The following RARRES1 variants were observed in gnomAD, a reference collection of about 807,000 sequenced individuals.
RARRES1 encodes retinoic acid receptor responder protein 1.
In RARRES1, 34 loss-of-function variants were observed where a neutral mutation model predicts 30.6. That is an observed-to-expected ratio of 1.11 (90% CI 0.84 to 1.48). The LOEUF (loss-of-function observed/expected upper bound fraction) is 1.48, where lower values mean the gene tolerates loss of function less well. Ranked by LOEUF, RARRES1 falls within the 40% of genes most tolerant of loss-of-function variation. RARRES1 has a pLI of 0.00. For synonymous variants in RARRES1, 153 were observed against 155.5 expected, an observed-to-expected ratio of 0.98 and a Z score of 0.12; for missense variants, 373 against 386.5, an observed-to-expected ratio of 0.97 and a Z score of 0.29.
intron 4 of RARRES1, among the ~76,000 whole-genome samples, chr3:158,701,901 G>T (rs1050693497): frequency 9.3e-6 from 1 of 107,842 alleles, no homozygotes; most frequent in African/African-American, 3.1e-5. Context: ...CCTAAGAGAT[G>T]AAATGATTTG....
Position 158,719,691 on chromosome 3 carries a change from C to T in RARRES1, c.277-5832G>A, listed in dbSNP as rs570394440. Among the ~76,000 whole-genome samples, 5 of 152,256 alleles carry T rather than the reference C, an allele frequency of 3.3e-5. No homozygotes were observed. The East Asian group carries it at 5.8e-4, about 18-fold the overall frequency. ...TCCCCTTCCTCATATGCCATACCAT[C>T]ATGTACTCTTTAGTGACTGATCAGC... On this transcript the variant is annotated intron_variant, in intron 1 of 5. Transcript: ENST00000237696.
chr3:158,730,638 G>T (rs1008120916), intron 1 of RARRES1, among the ~76,000 whole-genome samples: 7 of 151,874 alleles, frequency 4.6e-5, no homozygotes, highest in Non-Finnish European at 4.4e-5. Flanking sequence ...TTTTGGCAGA[G>T]ATGGTACTTT....
chr3:158,702,138 A>G (rs888014604), intron 4 of RARRES1, among the ~76,000 whole-genome samples: 7 of 152,102 alleles, frequency 4.6e-5, no homozygotes, highest in African/African-American at 1.7e-4. Flanking sequence ...CCCGGGTTCA[A>G]GCGATTCTCC....
chr3:158,720,582 C>T (rs897187619), intron 1 of RARRES1, among the ~76,000 whole-genome samples: 5 of 151,310 alleles, frequency 3.3e-5, no homozygotes, highest in Non-Finnish European at 5.9e-5. Flanking sequence ...TGGTGGCTGT[C>T]GATCTTGGCA....
chr3:158,710,985 C>T (rs1035603859), intron 2 of RARRES1, 52 bp from the exon 3 acceptor site: 3 of 1,479,640 alleles, frequency 2.0e-6, no homozygotes, highest in Non-Finnish European at 2.8e-6. Flanking sequence ...CCAGTGCACA[C>T]AAGCACACAC....
chr3:158,709,261 G>A (rs776661714), intron 3 of RARRES1, among the ~76,000 whole-genome samples: 45 of 152,236 alleles, frequency 3.0e-4, no homozygotes, highest in South Asian at 6.2e-4. Context: ...CTAAAGTCTC[G>A]TGACCCTGTG....
At chr3:158,729,656 C>T (rs552303687) in intron 1 of RARRES1, among the ~76,000 whole-genome samples, 291 of 152,046 alleles carry the variant, frequency 1.9e-3, no homozygotes, top group African/African-American at 5.9e-3. Context: ...GTTTCACTAT[C>T]TTGGCCAGGC....
In RARRES1 at chr3:158,723,245, G is replaced by C. The variant is rs756727298; in HGVS notation, c.276+8895C>G. On this transcript the variant is annotated intron_variant, in intron 1 of 5. Coordinates refer to ENST00000237696, the MANE Select transcript of RARRES1 (RefSeq NM_206963.2). The surrounding 1 kb of genome is among the most constrained non-coding windows in gnomAD (Gnocchi z 4.4). ...GGGACTCACTGGTCTAACAGACTCAGCTCCTAAATGTCGCCTCCAGCATTC... is the reference window on the plus strand; with the variant it reads ...GGGACTCACTGGTCTAACAGACTCACCTCCTAAATGTCGCCTCCAGCATTC... Among the ~76,000 whole-genome samples, 2 of 152,184 alleles carry C rather than the reference G, an allele frequency of 1.3e-5. No individual in the cohort carries two copies. The highest frequency in any genetic ancestry group is 2.4e-5 in the African/African-American group (1 of 41,438).
At chr3:158,727,224 A>G (rs1031179096) in intron 1 of RARRES1, among the ~76,000 whole-genome samples, 3 of 152,236 alleles carry the variant, frequency 2.0e-5, no homozygotes, top group Non-Finnish European at 4.4e-5. Context: ...CTCCAGTTAA[A>G]TGGCCTTGGC....
intron 1 of RARRES1, among the ~76,000 whole-genome samples, chr3:158,728,207 G>GT (rs201522790): frequency 0.021 from 2,906 of 136,226 alleles, 70 homozygotes; most frequent in African/African-American, 0.073. Flanking sequence ...ATACTATTTC[G>GT]TTTAAAAAAA....
intron 4 of RARRES1, among the ~76,000 whole-genome samples, chr3:158,702,781 C>T (rs1576808421): frequency 6.6e-6 from 1 of 152,062 alleles, no homozygotes; most frequent in African/African-American, 2.4e-5. Context: ...AGAACTAGTA[C>T]TGTATCTTGA....
chr3:158,720,953 T>C (rs1481482838), intron 1 of RARRES1, among the ~76,000 whole-genome samples: 1 of 152,190 alleles, frequency 6.6e-6, no homozygotes, highest in Non-Finnish European at 1.5e-5. Context: ...TTTTTGGATA[T>C]AACATTTCTT....
intron 1 of RARRES1, among the ~76,000 whole-genome samples, chr3:158,720,515 C>G (rs535237068): frequency 6.7e-6 from 1 of 148,176 alleles, no homozygotes; most frequent in South Asian, 2.1e-4. Flanking sequence ...GTCAGCAGGG[C>G]CATGCTTCCT....
At chr3:158,722,086 CAAAAAAAAA>C (rs571829700) in intron 1 of RARRES1, among the ~76,000 whole-genome samples, 1 of 68,746 alleles carries the variant, frequency 1.5e-5, no homozygotes, top group Non-Finnish European at 2.9e-5. Flanking sequence ...GAATGAAACT[CAAAAAAAAA>C]AAAAAAAAAA....
Position 158,700,237 on chromosome 3 carries a change from A to G in RARRES1, c.673-2267T>C, listed in dbSNP as rs947482428. Among the ~76,000 whole-genome samples, 65 of 148,230 alleles carry G rather than the reference A, an allele frequency of 4.4e-4. 1 individual carries two copies. Among genetic ancestry groups the G allele is most frequent in the Middle Eastern group, 3.2e-3 (1 of 316 alleles). ...TGTGTGTGTGTGTATATATATATAT[A>G]TAAATTGGTTTTACTTATACACTTA... is the stretch of plus-strand genomic sequence containing the variant. On this transcript the variant is annotated intron_variant, in intron 4 of 5. Coordinates refer to ENST00000237696, the MANE Select transcript of RARRES1 (RefSeq NM_206963.2).
chr3:158,697,591 G>T lies in RARRES1; in HGVS notation c.*87C>A. ...ATAGGTTTTCCCAAATTATTAGAAT[G>T]TCTATACCTTAGCTGTTTTACTAGA... is the stretch of plus-strand genomic sequence containing the variant. On this transcript the variant is annotated 3_prime_UTR_variant, in exon 6 of 6. Transcript: ENST00000237696. The T allele has an allele frequency of 7.4e-7, 1 of 1,352,256 alleles. No individual in the cohort carries two copies. Among genetic ancestry groups the T allele is most frequent in the African/African-American group, 1.5e-5 (1 of 67,964 alleles). The allele number at this position is 1,352,256 out of a possible 1,614,324, so 83.8% of individuals were successfully genotyped here. A position where few individuals can be genotyped will look rare whatever the true frequency, so the allele number is the denominator to read the frequency against.
chr3:158,732,063 C>G, intron 1 of RARRES1, 77 bp downstream of exon 1: 1 of 1,234,056 alleles, frequency 8.1e-7, no homozygotes, highest in Non-Finnish European at 1.0e-6. Context: ...CCGGCAGGCG[C>G]GCGTACCCAG....
intron 3 of RARRES1, among the ~76,000 whole-genome samples, chr3:158,710,324 C>T (rs1487619850): frequency 6.6e-6 from 1 of 152,048 alleles, no homozygotes; most frequent in African/African-American, 2.4e-5. Flanking sequence ...TCTCCTTCCC[C>T]AGCCTCCTGA....
chr3:158,706,451 C>T (rs1726926395), intron 3 of RARRES1, among the ~76,000 whole-genome samples: 1 of 152,166 alleles, frequency 6.6e-6, no homozygotes, highest in Admixed American at 6.5e-5. Flanking sequence ...GGGGCAGCCT[C>T]AGTGACTGTT....
Sources: gnomAD v4.1 joint callset for allele counts (sites outside exome capture counted in the v4.1 genomes callset) on GRCh38, gnomAD v4.1.1 for gene constraint, Gnocchi (gnomAD v3.1) non-coding constraint, MANE v1.5 for transcripts, NCBI Gene and HGNC (gene_info 2026-07-23, HGNC 2026-07-21) for gene names.